The following ZNF608 variants were observed in gnomAD, a reference collection of about 807,000 sequenced individuals.
ZNF608 encodes the protein renal carcinoma antigen NY-REN-36.
In ZNF608, 12 loss-of-function variants were observed where a neutral mutation model predicts 109.0. That is an observed-to-expected ratio of 0.11 (90% CI 0.07 to 0.18). ZNF608 has a LOEUF of 0.18. Among genes scored for constraint, ZNF608 ranks in the 10% least tolerant of loss-of-function variants. The probability of loss-of-function intolerance (pLI) is 1.00; values close to 1 mark genes in which losing one functional copy is unlikely to be tolerated. For synonymous variants in ZNF608, 732 were observed against 717.4 expected, an observed-to-expected ratio of 1.02 and a Z score of -0.33; for missense variants, 1,707 against 1,879.3, an observed-to-expected ratio of 0.91 and a Z score of 1.70.
At chr5:124,703,809 C>T (rs1753151518) in intron 2 of ZNF608, among the ~76,000 whole-genome samples, 1 of 152,066 alleles carries the variant, frequency 6.6e-6, no homozygotes, top group Non-Finnish European at 1.5e-5. Flanking sequence ...CACTTTTCAG[C>T]CGCCTAATAT....
At chr5:124,639,254 A>G (rs367620460) in intron 8 of ZNF608, 40 bp from the exon 9 acceptor site, 120 of 1,591,950 alleles carry the variant, frequency 7.5e-5, no homozygotes, top group Middle Eastern at 3.3e-4. Context: ...GATCTTTAGA[A>G]GGATAAGAGT....
At chr5:124,743,728 TG>T (rs1000555431) in intron 2 of ZNF608, among the ~76,000 whole-genome samples, 1 of 151,946 alleles carries the variant, frequency 6.6e-6, no homozygotes, top group African/African-American at 2.4e-5. Context: ...GTCAAGAGGG[TG>T]CATGAGCAGG....
intron 3 of ZNF608, among the ~76,000 whole-genome samples, chr5:124,652,060 A>G (rs1184443940): frequency 2.6e-5 from 4 of 152,260 alleles, no homozygotes; most frequent in Non-Finnish European, 5.9e-5. Context: ...TCACCGTCTC[A>G]ATACAGGCTC....
chr5:124,696,351 G>A (rs1333632490), intron 3 of ZNF608, among the ~76,000 whole-genome samples: 1 of 152,162 alleles, frequency 6.6e-6, no homozygotes, highest in Admixed American at 6.5e-5. Flanking sequence ...CAGGTGCTGA[G>A]TCTTCTCATT....
chr5:124,647,520 G>A lies in ZNF608; in HGVS notation c.2864C>T (p.Ser955Leu), dbSNP rs770673180. Residue 955 changes from serine (S) to leucine (L), a missense_variant, in exon 5 of 10, where the codon TCG (serine) becomes TTG (leucine). Physicochemically the swap from Ser to Leu is moderately radical, Grantham distance 145. Transcript: ENST00000513986. ...ACTGGCCTTTGATCTCATACCCTCC[G>A]ACCTGCTGTCAGAACCACCATCGTC... ...AADDGGSDSR[S>L]EGMRSKASSP... 1.1e-5 allele frequency: 17 copies of A among 1,614,056 alleles called. No homozygotes were observed. Among genetic ancestry groups the A allele is most frequent in the African/African-American group, 2.7e-5 (2 of 75,002 alleles).
chr5:124,742,373 G>C (rs910703164), intron 2 of ZNF608, among the ~76,000 whole-genome samples: 9 of 152,190 alleles, frequency 5.9e-5, no homozygotes, highest in Non-Finnish European at 1.2e-4. Flanking sequence ...ATTCCAAGCA[G>C]CCAGTGAATC....
chr5:124,649,749 A>G, intron 3 of ZNF608, 52 bp from the exon 4 acceptor site: 1 of 1,167,164 alleles, frequency 8.6e-7, no homozygotes, highest in Non-Finnish European at 1.2e-6. Context: ...GATTACTGTT[A>G]TTTCCAGTTC....
chr5:124,637,772 T>C lies in ZNF608; in HGVS notation c.*128A>G. The C allele has an allele frequency of 1.2e-5, 11 of 897,156 alleles. No individual in the cohort carries two copies. Among genetic ancestry groups the C allele is most frequent in the Non-Finnish European group, 1.9e-5 (11 of 589,160 alleles). 55.6% of individuals were successfully genotyped at this position (897,156 alleles called of 1,614,324 possible). A position where few individuals can be genotyped will look rare whatever the true frequency, so the allele number is the denominator to read the frequency against. Reference sequence around the variant, plus strand: ...TTACTCTGTGATAAAATCTGTAATTTACAAAAATGAAATGACTGGTTTTTG... The same window carrying C: ...TTACTCTGTGATAAAATCTGTAATTCACAAAAATGAAATGACTGGTTTTTG... On this transcript the variant is annotated 3_prime_UTR_variant, in exon 10 of 10. Transcript: ENST00000513986.
At chr5:124,672,757 A>T (rs1278860857) in intron 3 of ZNF608, among the ~76,000 whole-genome samples, 1 of 152,238 alleles carries the variant, frequency 6.6e-6, no homozygotes, top group Non-Finnish European at 1.5e-5. Context: ...GCAACATGAC[A>T]TTCTTTGAAG....
At chr5:124,686,511 G>A (rs902889722) in intron 3 of ZNF608, among the ~76,000 whole-genome samples, 1 of 152,170 alleles carries the variant, frequency 6.6e-6, no homozygotes, top group Non-Finnish European at 1.5e-5. Context: ...CTGTGTTTCT[G>A]GTACCCAGCC....
At chr5:124,680,405 T>G (rs563566056) in intron 3 of ZNF608, among the ~76,000 whole-genome samples, 2 of 149,434 alleles carry the variant, frequency 1.3e-5, no homozygotes, top group African/African-American at 2.5e-5. Context: ...TAATGAAGAG[T>G]GAATCCTTCA....
upstream of ZNF608, chr5:124,746,829 A>G (rs1022661713): frequency 1.0e-6 from 1 of 965,152 alleles, no homozygotes; most frequent in African/African-American, 1.8e-5. Context: ...GGAGGAGGAG[A>G]AGAAAGGGTG....
At chr5:124,740,731 C>G (rs1373160269) in intron 2 of ZNF608, among the ~76,000 whole-genome samples, 1 of 152,190 alleles carries the variant, frequency 6.6e-6, no homozygotes, top group Non-Finnish European at 1.5e-5. Flanking sequence ...TATGATATTA[C>G]AGAAATAATT....
intron 2 of ZNF608, among the ~76,000 whole-genome samples, chr5:124,727,986 G>A (rs564625055): frequency 6.1e-4 from 93 of 152,194 alleles, no homozygotes; most frequent in African/African-American, 2.1e-3. Context: ...TGATCTGCCC[G>A]CCTCGGCTTC....
chr5:124,728,007 G>A (rs1044993779), intron 2 of ZNF608, among the ~76,000 whole-genome samples: 1 of 152,068 alleles, frequency 6.6e-6, no homozygotes, highest in African/African-American at 2.4e-5. Flanking sequence ...CCAAAGTCCT[G>A]GGATTACAGG....
At position 124,746,197 on chromosome 5, in the gene ZNF608, T is replaced by C. The variant is rs1749635444; in HGVS notation, c.-186A>G. Reference sequence around the variant, plus strand: ...ACACACACACAGACATTGCTTACCTTTTAATCCTTTATCATTTTTTAATTA... The same window carrying C: ...ACACACACACAGACATTGCTTACCTCTTAATCCTTTATCATTTTTTAATTA... On this transcript the variant is annotated splice_region_variant and 5_prime_UTR_variant, in exon 1 of 10. Coordinates refer to ENST00000513986, the MANE Select transcript of ZNF608 (RefSeq NM_020747.3). 2.7e-5 allele frequency: 27 copies of C among 985,294 alleles called. No individual in the cohort carries two copies. The highest frequency in any genetic ancestry group is 3.1e-5 in the Non-Finnish European group (26 of 829,926). The allele number at this position is 985,294 out of a possible 1,614,324, so 61.0% of individuals were successfully genotyped here. A position where few individuals can be genotyped will look rare whatever the true frequency, so the allele number is the denominator to read the frequency against.
intron 2 of ZNF608, among the ~76,000 whole-genome samples, chr5:124,743,324 A>G (rs1310869575): frequency 7.9e-5 from 12 of 152,172 alleles, no homozygotes; most frequent in Admixed American, 7.9e-4. Context: ...TCTTCTTAGC[A>G]GCCGTCCAGC....
intron 3 of ZNF608, among the ~76,000 whole-genome samples, chr5:124,654,989 A>G (rs1375742847): frequency 6.6e-6 from 1 of 152,248 alleles, no homozygotes; most frequent in African/African-American, 2.4e-5. Flanking sequence ...CCTTGAAAAT[A>G]GGAGCAGTGT....
At chr5:124,667,005 T>A (rs1310571095) in intron 3 of ZNF608, among the ~76,000 whole-genome samples, 1 of 152,108 alleles carries the variant, frequency 6.6e-6, no homozygotes, top group African/African-American at 2.4e-5. Context: ...TGAGTAAATA[T>A]GGCCAGTACA....
Sources: gnomAD v4.1 joint callset for allele counts (sites outside exome capture counted in the v4.1 genomes callset) on GRCh38, gnomAD v4.1.1 for gene constraint, MANE v1.5 for transcripts, NCBI Gene and HGNC (gene_info 2026-07-23, HGNC 2026-07-21) for gene names.